ABLIM3: variants seen among roughly 807,000 people sequenced by gnomAD.
ABLIM3 encodes the protein actin binding LIM protein family member 3.
In ABLIM3, 61 loss-of-function variants were observed where a neutral mutation model predicts 109.5. The ratio of observed to expected loss-of-function variants is 0.56; its 90% CI spans 0.45 to 0.69. The LOEUF (loss-of-function observed/expected upper bound fraction) is 0.69, where lower values mean the gene tolerates loss of function less well. Among genes scored for constraint, ABLIM3 ranks in the 30% least tolerant of loss-of-function variants. ABLIM3 has a pLI of 0.00. For missense variants in ABLIM3, 796 were observed against 889.5 expected, an observed-to-expected ratio of 0.89 and a Z score of 1.34; for synonymous variants, 300 against 324.8, an observed-to-expected ratio of 0.92 and a Z score of 0.82.
chr5:149,176,454 G>A (rs1755937418), intron 2 of ABLIM3, among the ~76,000 whole-genome samples: 1 of 152,144 alleles, frequency 6.6e-6, no homozygotes, highest in Non-Finnish European at 1.5e-5. Flanking sequence ...CACTGGCACT[G>A]TTGCATTGCA....
At chr5:149,189,913 G>A (rs576094324) in intron 3 of ABLIM3, among the ~76,000 whole-genome samples, 1 of 152,292 alleles carries the variant, frequency 6.6e-6, no homozygotes, top group South Asian at 2.1e-4. Context: ...ATATATACAT[G>A]AATGTTCATA....
At chr5:149,229,524 C>A (rs1345187871) in intron 8 of ABLIM3, among the ~76,000 whole-genome samples, 1 of 152,176 alleles carries the variant, frequency 6.6e-6, no homozygotes, top group African/African-American at 2.4e-5. Flanking sequence ...CTTTTTCACT[C>A]CGATTTATTG....
intron 2 of ABLIM3, among the ~76,000 whole-genome samples, chr5:149,180,928 A>G (rs759288857): frequency 2.0e-5 from 3 of 152,210 alleles, no homozygotes; most frequent in Non-Finnish European, 2.9e-5. Context: ...CCACTTTCCC[A>G]GAAAATCAAA....
Position 149,244,957 on chromosome 5 carries a change from G to A in ABLIM3, c.1428G>A (p.Ser476=), listed in dbSNP as rs143059544. The part of the protein sequence containing the change: ...SQTSKYSPIY[S]PDPYYASESE... Reference sequence around the variant, plus strand: ...CCTCCAAGTACAGTCCCATCTACTCGCCAGACCCCTACTATGCTTCGGAGT... The same window carrying A: ...CCTCCAAGTACAGTCCCATCTACTCACCAGACCCCTACTATGCTTCGGAGT... The change falls in exon 16 of 24, where the codon TCG becomes TCA. Residue 476 remains serine (S), a synonymous_variant. Coordinates refer to ENST00000309868, the MANE Select transcript of ABLIM3 (RefSeq NM_014945.5). The A allele has an allele frequency of 1.7e-4, 278 of 1,614,052 alleles. No individual in the cohort carries two copies. In the African/African-American group the frequency reaches 2.4e-3, roughly 14 times the overall value.
intron 3 of ABLIM3, among the ~76,000 whole-genome samples, chr5:149,183,876 G>A (rs547960238): frequency 4.7e-4 from 72 of 152,088 alleles, no homozygotes; most frequent in Non-Finnish European, 6.9e-4. Flanking sequence ...GAGACTCCTG[G>A]TTTGTGCCTA....
In ABLIM3 at chr5:149,258,434, A is replaced by G; in HGVS notation, c.*30A>G. ...AGGCTCTATAAATATATATGCATTTATATAAAGATATATGTAAAATCTCTC... is the reference window on the plus strand; with the variant it reads ...AGGCTCTATAAATATATATGCATTTGTATAAAGATATATGTAAAATCTCTC... On this transcript the variant is annotated 3_prime_UTR_variant, in exon 24 of 24. Transcript: ENST00000309868. 6.3e-7 allele frequency: 1 copy of G among 1,589,210 alleles called. No homozygotes were observed. The highest frequency in any genetic ancestry group is 8.5e-7 in the Non-Finnish European group (1 of 1,170,690).
intron 2 of ABLIM3, chr5:149,177,055 C>A (rs577997906): frequency 1.3e-5 from 2 of 152,302 alleles, no homozygotes; most frequent in South Asian, 4.2e-4. Context: ...ACCGCTGGAC[C>A]AATTCAGCCA....
At chr5:149,147,113 A>ATGTGTG (rs35743789) in intron 2 of ABLIM3, among the ~76,000 whole-genome samples, 4 of 139,054 alleles carry the variant, frequency 2.9e-5, no homozygotes, top group African/African-American at 1.1e-4. Context: ...CTCTCTGTGT[A>ATGTGTG]TGTGTGTGTG....
chr5:149,142,074 G>C lies in ABLIM3; in HGVS notation c.-22G>C, dbSNP rs1241112037. 6.2e-7 allele frequency: 1 copy of C among 1,611,962 alleles called. No individual in the cohort carries two copies. The highest frequency in any genetic ancestry group is 8.5e-7 in the Non-Finnish European group (1 of 1,179,248). On this transcript the variant is annotated 5_prime_UTR_variant, in exon 2 of 24. Transcript: ENST00000309868. ...GCCGGGGCCTCCGTATTGAATGAAA[G>C]ACCCAGTGCAAAGACATCACCATGA...
intron 2 of ABLIM3, among the ~76,000 whole-genome samples, chr5:149,182,735 T>C (rs1357322432): frequency 6.6e-6 from 1 of 152,214 alleles, no homozygotes; most frequent in Non-Finnish European, 1.5e-5. Context: ...CATCATCAAA[T>C]GCTGGCCACT....
At position 149,142,016 on chromosome 5, in the gene ABLIM3, G is replaced by C; in HGVS notation, c.-80G>C. The C allele has an allele frequency of 6.2e-7, 1 of 1,609,206 alleles. No homozygotes were observed. The highest frequency in any genetic ancestry group is 1.1e-5 in the South Asian group (1 of 91,006). ...TGCCTTTTCACCCCCCAGGTGATGA[G>C]TGAGGTTCGAAGAACGGAAGATTTA... On this transcript the variant is annotated 5_prime_UTR_variant, in exon 2 of 24. Coordinates refer to ENST00000309868, the MANE Select transcript of ABLIM3 (RefSeq NM_014945.5).
At position 149,207,057 on chromosome 5, in the gene ABLIM3, T is replaced by C; in HGVS notation, c.498T>C (p.Ala166=). The C allele has an allele frequency of 6.2e-7, 1 of 1,613,982 alleles. No individual in the cohort carries two copies. The highest frequency in any genetic ancestry group is 8.5e-7 in the Non-Finnish European group (1 of 1,179,950). Residue 166 remains alanine (A), a synonymous_variant, in exon 6 of 24, where the codon GCT becomes GCC. Transcript: ENST00000309868. ...TCAAGCACGGCCAGTCACTCCTGGCTCTGGACAAGCAGTGGCACGTCAGCT... is the reference window on the plus strand; with the variant it reads ...TCAAGCACGGCCAGTCACTCCTGGCCCTGGACAAGCAGTGGCACGTCAGCT... The part of the protein sequence containing the change: ...EEIKHGQSLL[A]LDKQWHVSCF...
rs1753546495 is a variant in ABLIM3 at position 149,247,920 on chromosome 5, C to T, written c.1690C>T (p.Leu564Phe). The T allele has an allele frequency of 6.2e-7, 1 of 1,614,046 alleles. No homozygotes were observed. Among genetic ancestry groups the T allele is most frequent in the Non-Finnish European group, 8.5e-7 (1 of 1,179,954 alleles). Residue 564 changes from leucine to phenylalanine, a missense_variant, in exon 18 of 24, where the codon CTC (leucine) becomes TTC (phenylalanine). Leu to Phe is a conservative substitution (Grantham distance 22). Transcript: ENST00000309868. ...ALHTAGYEMS[L>F]NGSPRSHYLA... The stretch of plus-strand genomic sequence containing the variant: ...GCACACAGCTGGCTATGAGATGTCC[C>T]TCAATGGCTGTAAGCATGGCTCTGG...
At chr5:149,173,322 C>T (rs1214668540) in intron 2 of ABLIM3, among the ~76,000 whole-genome samples, 1 of 152,210 alleles carries the variant, frequency 6.6e-6, no homozygotes, top group African/African-American at 2.4e-5. Context: ...CTCCAGTAGA[C>T]CTCTGCCCCA....
At chr5:149,249,307 A>G (rs1338445839) in intron 18 of ABLIM3, among the ~76,000 whole-genome samples, 5 of 152,244 alleles carry the variant, frequency 3.3e-5, no homozygotes, top group Non-Finnish European at 7.3e-5. Flanking sequence ...TATGCTAAGT[A>G]TCTTACTGTA....
At chr5:149,142,474 C>G (rs1752559484) in intron 2 of ABLIM3, among the ~76,000 whole-genome samples, 1 of 152,068 alleles carries the variant, frequency 6.6e-6, no homozygotes, top group East Asian at 1.9e-4. Context: ...CCCTGCCTGT[C>G]CCAGAGGTGG....
At chr5:149,200,205 C>A in intron 4 of ABLIM3, 111 bp from the exon 5 acceptor site, 2 of 861,898 alleles carry the variant, frequency 2.3e-6, no homozygotes, top group Non-Finnish European at 1.9e-6. Context: ...TTGCGTGGTG[C>A]TCTAGAAGTC....
chr5:149,259,615 A>T lies in ABLIM3; in HGVS notation c.*1211A>T, dbSNP rs780523915. The stretch of plus-strand genomic sequence containing the variant: ...GTGTTGGCCAACACCGCTCATGGCC[A>T]TCCTGGATTTTCCCAGTGGCTTCCC... On this transcript the variant is annotated 3_prime_UTR_variant, in exon 24 of 24. Coordinates refer to ENST00000309868, the MANE Select transcript of ABLIM3 (RefSeq NM_014945.5). The T allele has an allele frequency of 4.6e-6, 7 of 1,532,552 alleles. No homozygotes were observed. In the South Asian group the frequency reaches 8.3e-5, roughly 18 times the overall value. 94.9% of individuals were successfully genotyped at this position (1,532,552 alleles called of 1,614,324 possible). A position where few individuals can be genotyped will look rare whatever the true frequency, so the allele number is the denominator to read the frequency against.
intron 10 of ABLIM3, among the ~76,000 whole-genome samples, chr5:149,234,873 C>T (rs1436960878): frequency 1.3e-5 from 2 of 152,302 alleles, no homozygotes; most frequent in South Asian, 2.1e-4. Context: ...CTGTTCATCA[C>T]AAGCTGGTCT....
Sources: allele counts gnomAD v4.1 joint callset (sites outside exome capture counted in the v4.1 genomes callset), GRCh38; gene constraint gnomAD v4.1.1; transcripts MANE v1.5; gene names NCBI Gene and HGNC (gene_info 2026-07-23, HGNC 2026-07-21).